TRDN: variants seen among roughly 807,000 people sequenced by gnomAD.
The protein encoded by TRDN is triadin, also known as triadin in skeletal muscle.
In TRDN, 161 loss-of-function variants were observed where a neutral mutation model predicts 149.7. That is an observed-to-expected ratio of 1.08 (90% CI 0.95 to 1.23). TRDN has a LOEUF of 1.23. Ranked by LOEUF, TRDN falls within the 50% of genes most tolerant of loss-of-function variation. TRDN has a pLI of 0.00. For synonymous variants in TRDN, 294 were observed against 250.5 expected (o/e 1.17, Z -1.64); for missense variants, 896 against 823.5 (o/e 1.09, Z -1.08).
intron 7 of TRDN, among the ~76,000 whole-genome samples, chr6:123,508,782 T>C (rs560690640): frequency 6.6e-6 from 1 of 152,310 alleles, no homozygotes; most frequent in African/African-American, 2.4e-5. Flanking sequence ...CTGTGTTCTA[T>C]GCAAGTGCCT....
At chr6:123,311,238 C>T (rs1778806774) in intron 24 of TRDN, among the ~76,000 whole-genome samples, 2 of 151,848 alleles carry the variant, frequency 1.3e-5, no homozygotes, top group South Asian at 2.1e-4. Context: ...AAAAGAACTG[C>T]CAGACACTTA....
At chr6:123,568,595 CT>C (rs1242940663) in intron 2 of TRDN, among the ~76,000 whole-genome samples, 8 of 152,208 alleles carry the variant, frequency 5.3e-5, no homozygotes, top group Non-Finnish European at 2.9e-5. Context: ...TGGCTGCAGG[CT>C]TAACATCACA....
chr6:123,299,567 T>C (rs752506113), intron 24 of TRDN, among the ~76,000 whole-genome samples: 10 of 152,038 alleles, frequency 6.6e-5, no homozygotes, highest in Non-Finnish European at 1.5e-4. Context: ...GAAGACGTCA[T>C]ACAGGTGCCC....
chr6:123,443,510 TG>T (rs1253497941), intron 10 of TRDN, among the ~76,000 whole-genome samples: 1 of 152,028 alleles, frequency 6.6e-6, no homozygotes, highest in Non-Finnish European at 1.5e-5. Flanking sequence ...GAGCCAGGCC[TG>T]GCTGGGCACG....
At chr6:123,425,241 G>A (rs1397320292) in intron 12 of TRDN, among the ~76,000 whole-genome samples, 2 of 103,836 alleles carry the variant, frequency 1.9e-5, no homozygotes, top group South Asian at 6.1e-4. Context: ...AGGTGTGTGT[G>A]TGTGTGTGTG....
intron 2 of TRDN, among the ~76,000 whole-genome samples, chr6:123,550,930 A>G (rs1368817713): frequency 2.0e-5 from 3 of 151,886 alleles, no homozygotes; most frequent in Non-Finnish European, 4.4e-5. Context: ...AAGGAAATGA[A>G]ATGGAATTTT....
At chr6:123,392,495 A>G (rs1772529560) in intron 13 of TRDN, among the ~76,000 whole-genome samples, 1 of 152,026 alleles carries the variant, frequency 6.6e-6, no homozygotes, top group South Asian at 2.1e-4. Context: ...TTAAACTGGT[A>G]GTCATTGGCT....
chr6:123,428,627 G>A (rs1774217111), intron 12 of TRDN, among the ~76,000 whole-genome samples: 1 of 152,184 alleles, frequency 6.6e-6, no homozygotes, highest in African/African-American at 2.4e-5. Context: ...AAAAGTGTAT[G>A]TGTTCCAGTC....
At chr6:123,507,663 T>G (rs1778991296) in intron 7 of TRDN, among the ~76,000 whole-genome samples, 1 of 152,116 alleles carries the variant, frequency 6.6e-6, no homozygotes. Flanking sequence ...TATTAAGGAA[T>G]GAAAAAAACA....
intron 18 of TRDN, among the ~76,000 whole-genome samples, chr6:123,377,396 T>G (rs2114400959): frequency 6.6e-6 from 1 of 152,300 alleles, no homozygotes; most frequent in Middle Eastern, 3.4e-3. Context: ...ATGAATTCAC[T>G]GAGGGTCTTG....
At chr6:123,307,225 A>G (rs1778644826) in intron 24 of TRDN, among the ~76,000 whole-genome samples, 1 of 152,086 alleles carries the variant, frequency 6.6e-6, no homozygotes, top group Non-Finnish European at 1.5e-5. Context: ...CTCAGGTTTA[A>G]TTTAATTTAT....
intron 14 of TRDN, among the ~76,000 whole-genome samples, chr6:123,385,373 A>T (rs1247970747): frequency 2.6e-5 from 4 of 151,028 alleles, no homozygotes; most frequent in Non-Finnish European, 5.9e-5. Flanking sequence ...GCTCGCAGTG[A>T]GCAGAGATTG....
intron 5 of TRDN, among the ~76,000 whole-genome samples, chr6:123,520,126 G>C (rs1475810243): frequency 6.6e-6 from 1 of 152,004 alleles, no homozygotes; most frequent in Non-Finnish European, 1.5e-5. Flanking sequence ...CTAATTTGTA[G>C]AAGTTCAGTT....
intron 22 of TRDN, among the ~76,000 whole-genome samples, chr6:123,333,278 G>A (rs966930903): frequency 6.6e-6 from 1 of 151,956 alleles, no homozygotes; most frequent in South Asian, 2.1e-4. Context: ...TCAGCATGTT[G>A]ATCTAAATGG....
intron 24 of TRDN, among the ~76,000 whole-genome samples, chr6:123,286,760 G>T (rs1383591302): frequency 6.6e-6 from 1 of 152,080 alleles, no homozygotes; most frequent in Non-Finnish European, 1.5e-5. Context: ...GGAGTGTTGT[G>T]TGTCTGTGTT....
At chr6:123,611,078 TA>T (rs1228849196) in intron 1 of TRDN, among the ~76,000 whole-genome samples, 1 of 152,194 alleles carries the variant, frequency 6.6e-6, no homozygotes, top group East Asian at 1.9e-4. Flanking sequence ...CTGAGAAGAC[TA>T]TTTACCTTAG....
At chr6:123,614,307 AAAAAAAAC>A (rs1784972062) in intron 1 of TRDN, among the ~76,000 whole-genome samples, 22 of 146,732 alleles carry the variant, frequency 1.5e-4, no homozygotes, top group African/African-American at 4.7e-4. Flanking sequence ...AAACAAAAAA[AAAAAAAAC>A]AAAAAAAACC....
intron 2 of TRDN, among the ~76,000 whole-genome samples, chr6:123,555,614 C>T (rs1035493108): frequency 6.6e-6 from 1 of 152,058 alleles, no homozygotes; most frequent in South Asian, 2.1e-4. Context: ...TCTGATAAGC[C>T]ACTTTTGTTG....
intron 12 of TRDN, among the ~76,000 whole-genome samples, chr6:123,405,310 T>A (rs1438281216): frequency 6.6e-6 from 1 of 152,194 alleles, no homozygotes; most frequent in Non-Finnish European, 1.5e-5. Context: ...AAAGGCAAGT[T>A]ATTGGTCTTC....
Sources: allele counts gnomAD v4.1 joint callset (sites outside exome capture counted in the v4.1 genomes callset), GRCh38; gene constraint gnomAD v4.1.1; transcripts MANE v1.5; gene names NCBI Gene and HGNC (gene_info 2026-07-23, HGNC 2026-07-21).